RSRC1: variants seen among roughly 807,000 people sequenced by gnomAD.
The protein encoded by RSRC1 is arginine and serine rich coiled-coil 1, also known as serine/Arginine-related protein 53.
RSRC1 carries 39 observed loss-of-function variants against 49.1 expected under a neutral mutation model. That is an observed-to-expected ratio of 0.79 (90% CI 0.61 to 1.04). The LOEUF (loss-of-function observed/expected upper bound fraction) is 1.04. Among genes scored for constraint, RSRC1 ranks in the 50% least tolerant of loss-of-function variants. The probability of loss-of-function intolerance (pLI) is 0.00; values close to 1 mark genes in which losing one functional copy is unlikely to be tolerated. For missense variants in RSRC1, 388 were observed against 402.4 expected, an observed-to-expected ratio of 0.96 and a Z score of 0.31; for synonymous variants, 143 against 130.8, an observed-to-expected ratio of 1.09 and a Z score of -0.63.
rs1159330340 is a variant in RSRC1 at position 158,426,792 on chromosome 3, A to G, written c.584-34143A>G. On this transcript the variant is annotated intron_variant, in intron 6 of 9. Transcript: ENST00000611884. ...GTGCTGGAGAAGTGAGACAGTGTTT[A>G]GATAATGTTCTAAAAAAATTGTGTT... Among the ~76,000 whole-genome samples the G allele has an allele frequency of 2.0e-5, 3 of 151,810 alleles. No individual in the cohort carries two copies. The East Asian group carries it at 5.8e-4, about 30-fold the overall frequency.
At chr3:158,454,463 T>A (rs773474563) in intron 6 of RSRC1, among the ~76,000 whole-genome samples, 2 of 152,142 alleles carry the variant, frequency 1.3e-5, no homozygotes, top group Non-Finnish European at 2.9e-5. Flanking sequence ...CTCTTTACAT[T>A]CAGGGAAAAT....
chr3:158,536,695 A>T (rs916529804), intron 7 of RSRC1, among the ~76,000 whole-genome samples: 2 of 151,482 alleles, frequency 1.3e-5, no homozygotes, highest in Non-Finnish European at 3.0e-5. Flanking sequence ...ACCCAAAAAA[A>T]TTGAGGTGGA....
At chr3:158,372,307 C>A (rs1331302498) in intron 6 of RSRC1, among the ~76,000 whole-genome samples, 1 of 151,804 alleles carries the variant, frequency 6.6e-6, no homozygotes, top group Non-Finnish European at 1.5e-5. Flanking sequence ...CTTTCTATGA[C>A]CCATTTAAAA....
intron 6 of RSRC1, among the ~76,000 whole-genome samples, chr3:158,415,214 A>G (rs1210423805): frequency 6.6e-6 from 1 of 152,082 alleles, no homozygotes; most frequent in Non-Finnish European, 1.5e-5. Context: ...TGTATGATCT[A>G]CTTGTACCCA....
intron 6 of RSRC1, among the ~76,000 whole-genome samples, chr3:158,425,339 C>A (rs1161501036): frequency 6.6e-6 from 1 of 151,886 alleles, no homozygotes; most frequent in African/African-American, 2.4e-5. Context: ...CGTTATGTAC[C>A]CAGTAGTCAT....
chr3:158,362,585 T>C (rs1454218623), intron 6 of RSRC1, among the ~76,000 whole-genome samples: 2 of 152,182 alleles, frequency 1.3e-5, no homozygotes, highest in Non-Finnish European at 2.9e-5. Context: ...GCAGAAGATA[T>C]ATGACATAAC....
At chr3:158,135,694 C>A (rs1185293784) in intron 3 of RSRC1, among the ~76,000 whole-genome samples, 1 of 151,952 alleles carries the variant, frequency 6.6e-6, no homozygotes, top group Non-Finnish European at 1.5e-5. Flanking sequence ...TCCTTTATTT[C>A]AGTGGTTTAG....
At chr3:158,353,850 A>G (rs1731006547) in intron 5 of RSRC1, among the ~76,000 whole-genome samples, 1 of 152,168 alleles carries the variant, frequency 6.6e-6, no homozygotes, top group Non-Finnish European at 1.5e-5. Context: ...AGTCTCAAGT[A>G]TGGACAACAG....
intron 5 of RSRC1, among the ~76,000 whole-genome samples, chr3:158,324,507 T>A (rs925817445): frequency 1.3e-4 from 20 of 152,148 alleles, no homozygotes; most frequent in Non-Finnish European, 2.9e-5. Context: ...CTTGAGATAG[T>A]TTGCTGAGAA....
chr3:158,122,116 G>A lies in RSRC1; in HGVS notation c.12G>A (p.Arg4=). 3 of 1,511,706 alleles carry A rather than the reference G, an allele frequency of 2.0e-6. No homozygotes were observed. The highest frequency in any genetic ancestry group is 2.5e-5 in the East Asian group (1 of 40,064). The allele number at this position is 1,511,706 out of a possible 1,614,324, so 93.6% of individuals were successfully genotyped here. Residue 4 remains arginine, a synonymous_variant, in exon 2 of 10, where the codon CGG becomes CGA. Coordinates refer to ENST00000611884, the MANE Select transcript of RSRC1 (RefSeq NM_001271838.2). MGR[R]SSDTEEESRS... ...TTATGCTTATAGAAATGGGACGTCG[G>A]TCATCAGATACTGAAGAAGAAAGCA...
At chr3:158,312,111 C>T (rs1728162825) in intron 5 of RSRC1, among the ~76,000 whole-genome samples, 2 of 150,820 alleles carry the variant, frequency 1.3e-5, no homozygotes, top group South Asian at 2.1e-4. Context: ...GTTGTTGTCC[C>T]TGAGAAAGCT....
At chr3:158,461,087 T>G (rs1465174866) in intron 7 of RSRC1, 84 bp downstream of exon 7, 13 of 924,376 alleles carry the variant, frequency 1.4e-5, no homozygotes, top group East Asian at 5.6e-5. Context: ...ATCTAATGCC[T>G]TAAGGGTTAC....
intron 7 of RSRC1, among the ~76,000 whole-genome samples, chr3:158,516,969 C>T (rs534618935): frequency 1.5e-4 from 23 of 152,296 alleles, no homozygotes; most frequent in Non-Finnish European, 1.5e-4. Flanking sequence ...GCACGGTGCA[C>T]GCACCCACTG....
intron 4 of RSRC1, among the ~76,000 whole-genome samples, chr3:158,270,353 A>C (rs1725438183): frequency 6.6e-6 from 1 of 152,182 alleles, no homozygotes; most frequent in South Asian, 2.1e-4. Flanking sequence ...ACAAAAGGAT[A>C]GGGTACCCCA....
At chr3:158,399,985 A>G (rs1181397522) in intron 6 of RSRC1, among the ~76,000 whole-genome samples, 1 of 152,210 alleles carries the variant, frequency 6.6e-6, no homozygotes, top group Non-Finnish European at 1.5e-5. Flanking sequence ...GATAGCTGCA[A>G]TTAATTTACT....
intron 5 of RSRC1, among the ~76,000 whole-genome samples, chr3:158,351,325 C>T (rs1468716628): frequency 2.6e-5 from 4 of 152,166 alleles, no homozygotes; most frequent in South Asian, 2.1e-4. Flanking sequence ...TCACCAGTCA[C>T]GCTAAGAAAA....
chr3:158,229,927 A>T (rs1434448423), intron 4 of RSRC1, among the ~76,000 whole-genome samples: 1 of 152,080 alleles, frequency 6.6e-6, no homozygotes, highest in East Asian at 1.9e-4. Context: ...TTTGTACAAT[A>T]TGATTTTCTA....
chr3:158,466,968 A>G (rs1301702084), intron 7 of RSRC1, among the ~76,000 whole-genome samples: 3 of 152,198 alleles, frequency 2.0e-5, no homozygotes, highest in Non-Finnish European at 4.4e-5. Context: ...CTGAGGCAGG[A>G]GGATCACTTG....
chr3:158,171,892 G>C (rs1361584091), intron 3 of RSRC1, among the ~76,000 whole-genome samples: 1 of 151,982 alleles, frequency 6.6e-6, no homozygotes, highest in Non-Finnish European at 1.5e-5. Flanking sequence ...GTCAAGGCAT[G>C]AGCAAACCAT....
Sources: gnomAD v4.1 joint callset for allele counts (sites outside exome capture counted in the v4.1 genomes callset) on GRCh38, gnomAD v4.1.1 for gene constraint, MANE v1.5 for transcripts, NCBI Gene and HGNC (gene_info 2026-07-23, HGNC 2026-07-21) for gene names.